TSPAN15: variants seen among roughly 807,000 people sequenced by gnomAD.
The protein encoded by TSPAN15 is tetraspanin 15, also known as tetraspanin-15.
Under a neutral mutation model 34.5 loss-of-function variants are expected in TSPAN15, and 20 were observed. The ratio of observed to expected loss-of-function variants is 0.58; its 90% confidence interval spans 0.41 to 0.84. The LOEUF (loss-of-function observed/expected upper bound fraction) is 0.84, where lower values mean the gene tolerates loss of function less well. TSPAN15 is among the 40% of genes least tolerant of loss of function. The pLI, the probability that TSPAN15 is intolerant of heterozygous loss-of-function variation, is 0.00. For synonymous variants in TSPAN15, 155 were observed against 153.9 expected, an observed-to-expected ratio of 1.01 and a Z score of -0.05; for missense variants, 313 against 386.1, an observed-to-expected ratio of 0.81 and a Z score of 1.59.
intron 1 of TSPAN15, among the ~76,000 whole-genome samples, chr10:69,477,563 T>C (rs1480932320): frequency 6.6e-6 from 1 of 152,152 alleles, no homozygotes; most frequent in Non-Finnish European, 1.5e-5. Context: ...CAAAATAACA[T>C]GGAAGGTTCA....
At chr10:69,493,622 G>A (rs1267493034) in intron 3 of TSPAN15, among the ~76,000 whole-genome samples, 1 of 152,088 alleles carries the variant, frequency 6.6e-6, no homozygotes, top group African/African-American at 2.4e-5. Context: ...ACAGGCGCAC[G>A]CTGCCACGCC....
At chr10:69,521,774 C>T in the TSPAN15 span, among the ~76,000 whole-genome samples, 2 of 147,412 alleles carry the variant, frequency 1.4e-5, no homozygotes, top group Non-Finnish European at 3.0e-5. Context: ...CTCAGGCCTT[C>T]AGACTCAGAC....
chr10:69,486,539 A>C (rs1018426979), intron 3 of TSPAN15, among the ~76,000 whole-genome samples: 43 of 152,240 alleles, frequency 2.8e-4, no homozygotes, highest in Admixed American at 2.2e-3. Flanking sequence ...CCTGGGCTCA[A>C]GTGATCCTCC....
At chr10:69,483,135 C>T (rs1589640053) in intron 1 of TSPAN15, among the ~76,000 whole-genome samples, 1 of 152,136 alleles carries the variant, frequency 6.6e-6, no homozygotes, top group South Asian at 2.1e-4. Flanking sequence ...ACTACAGGTG[C>T]CCGCCACTAT....
the TSPAN15 span, among the ~76,000 whole-genome samples, chr10:69,534,943 C>A: frequency 2.6e-5 from 4 of 151,986 alleles, no homozygotes; most frequent in African/African-American, 9.7e-5. Context: ...TGTGTTCATG[C>A]CAGTGCATTC....
the TSPAN15 span, among the ~76,000 whole-genome samples, chr10:69,526,264 T>A: frequency 1.4e-5 from 2 of 147,814 alleles, no homozygotes; most frequent in East Asian, 2.5e-4. Flanking sequence ...AAACTAATTT[T>A]AAAAATATCG....
chr10:69,458,605 G>C (rs1841167582), intron 1 of TSPAN15, among the ~76,000 whole-genome samples: 1 of 152,172 alleles, frequency 6.6e-6, no homozygotes, highest in Non-Finnish European at 1.5e-5. Flanking sequence ...CGTGCCTAAC[G>C]GGCTGTCAGA....
chr10:69,506,351 C>T lies in TSPAN15; in HGVS notation c.735+111C>T, dbSNP rs1842327487. 1 of 1,008,496 alleles carries T rather than the reference C, an allele frequency of 9.9e-7. No homozygotes were observed. The highest frequency in any genetic ancestry group is 1.5e-5 in the South Asian group (1 of 66,848). The allele number at this position is 1,008,496 out of a possible 1,614,324, so 62.5% of individuals were successfully genotyped here. A position where few individuals can be genotyped will look rare whatever the true frequency, so the allele number is the denominator to read the frequency against. Reference sequence around the variant, plus strand: ...TTTTTCATAGAAGTCCAGGACTTGCCTGGGGAGGGCTGCATGGCTGGAAGG... The same window carrying T: ...TTTTTCATAGAAGTCCAGGACTTGCTTGGGGAGGGCTGCATGGCTGGAAGG... On this transcript the variant is annotated intron_variant, in intron 7 of 7. Coordinates refer to ENST00000373290, the MANE Select transcript of TSPAN15 (RefSeq NM_012339.5). The surrounding 1 kb of genome is among the most constrained non-coding windows in gnomAD (Gnocchi z 4.7).
intron 1 of TSPAN15, among the ~76,000 whole-genome samples, chr10:69,482,444 C>T (rs749250764): frequency 1.3e-5 from 2 of 152,104 alleles, no homozygotes; most frequent in Non-Finnish European, 2.9e-5. Flanking sequence ...ATTCTACTTG[C>T]GAATTCCCTC....
the TSPAN15 span, among the ~76,000 whole-genome samples, chr10:69,516,790 C>T: frequency 6.6e-6 from 1 of 152,148 alleles, no homozygotes; most frequent in African/African-American, 2.4e-5. Context: ...TATGGTCAGT[C>T]TCCCCCACTG....
chr10:69,526,180 T>C, the TSPAN15 span, among the ~76,000 whole-genome samples: 1 of 147,514 alleles, frequency 6.8e-6, no homozygotes, highest in African/African-American at 2.5e-5. Flanking sequence ...TAGGTGAGTA[T>C]AATGTGCAAC....
exon 8 of TSPAN15, chr10:69,507,651 GTTTTTTTT>G (rs398014021): frequency 2.5e-5 from 25 of 1,012,078 alleles, no homozygotes; most frequent in African/African-American, 2.4e-4. Flanking sequence ...ATAAAAACAT[GTTTTTTTT>G]TTTTTTTTTT....
chr10:69,491,014 G>A (rs537013141), intron 3 of TSPAN15, among the ~76,000 whole-genome samples: 6 of 152,210 alleles, frequency 3.9e-5, no homozygotes, highest in Non-Finnish European at 8.8e-5. Flanking sequence ...CCCCACGGGT[G>A]TGCCCCACTG....
chr10:69,480,845 G>A (rs998247226), intron 1 of TSPAN15, among the ~76,000 whole-genome samples: 28 of 152,136 alleles, frequency 1.8e-4, no homozygotes, highest in African/African-American at 6.0e-4. Context: ...TTACAGACAT[G>A]TGCCACCAAG....
intron 3 of TSPAN15, 36 bp from the exon 4 acceptor site, chr10:69,495,558 T>C: frequency 6.6e-7 from 1 of 1,506,832 alleles, no homozygotes; most frequent in Non-Finnish European, 9.2e-7. Flanking sequence ...CGGGAGTGTG[T>C]GGTTCTTTTC....
At chr10:69,476,289 C>T (rs1193474165) in intron 1 of TSPAN15, among the ~76,000 whole-genome samples, 1 of 152,056 alleles carries the variant, frequency 6.6e-6, no homozygotes, top group Non-Finnish European at 1.5e-5. Flanking sequence ...AAGAGATAGG[C>T]AAAAACAGCC....
intron 3 of TSPAN15, chr10:69,494,766 G>A (rs965707185): frequency 5.4e-5 from 53 of 985,270 alleles, no homozygotes; most frequent in Non-Finnish European, 6.1e-5. Flanking sequence ...TGCCCCCTTC[G>A]TCCCCAGTCT....
the TSPAN15 span, among the ~76,000 whole-genome samples, chr10:69,530,818 C>CTATATATATATA: frequency 2.3e-5 from 1 of 42,560 alleles, no homozygotes; most frequent in Non-Finnish European, 4.4e-5. Context: ...CTCTCTCTCT[C>CTATATATATATA]TCTATATATA....
the TSPAN15 span, among the ~76,000 whole-genome samples, chr10:69,529,760 A>C: frequency 4.1e-5 from 6 of 147,248 alleles, no homozygotes; most frequent in African/African-American, 1.2e-4. Flanking sequence ...TTAATTCTTT[A>C]GTGATTTCTC....
Sources: allele counts gnomAD v4.1 joint callset (sites outside exome capture counted in the v4.1 genomes callset), GRCh38; gene constraint gnomAD v4.1.1; non-coding constraint Gnocchi (gnomAD v3.1); transcripts MANE v1.5; gene names NCBI Gene and HGNC (gene_info 2026-07-23, HGNC 2026-07-21).